Variants in XPO6 observed in about 807,000 individuals in gnomAD.
The protein encoded by XPO6 is exportin 6, also known as exportin-6.
XPO6 carries 3 observed loss-of-function variants against 130.0 expected under a neutral mutation model. The ratio of observed to expected loss-of-function variants is 0.02; its 90% confidence interval spans 0.01 to 0.06. The LOEUF is 0.06. XPO6 is among the 10% of genes least tolerant of loss of function. The pLI, the probability that XPO6 is intolerant of heterozygous loss-of-function variation, is 1.00. For synonymous variants in XPO6, 524 were observed against 548.9 expected (o/e 0.95, Z 0.63); for missense variants, 970 against 1,393.0 (o/e 0.70, Z 4.83).
chr16:28,199,360 C>A (rs1482034805), intron 1 of XPO6, among the ~76,000 whole-genome samples: 1 of 152,098 alleles, frequency 6.6e-6, no homozygotes, highest in Non-Finnish European at 1.5e-5. Flanking sequence ...CTACAACCTC[C>A]ACCTCCCGGG....
At chr16:28,153,566 T>A in intron 7 of XPO6, 1 of 985,360 alleles carries the variant, frequency 1.0e-6, no homozygotes, top group Non-Finnish European at 1.2e-6. Context: ...AGAGTATGGG[T>A]CACAGCTGCA....
chr16:28,178,337 G>A (rs1327433122), intron 2 of XPO6, among the ~76,000 whole-genome samples: 2 of 152,102 alleles, frequency 1.3e-5, no homozygotes, highest in Non-Finnish European at 2.9e-5. Flanking sequence ...GAGAAGCTGA[G>A]GCAGGAGGAC....
chr16:28,101,565 C>T lies in XPO6; in HGVS notation c.3169G>A (p.Asp1057Asn), dbSNP rs756433639. Residue 1057 changes from aspartate to asparagine, a missense_variant, in exon 23 of 24, where the codon GAC becomes AAC. Physicochemically the swap from Asp to Asn is conservative, Grantham distance 23 (BLOSUM62 1). Around this residue, in one of 4 missense-constraint regions of XPO6, gnomAD observed 936 missense variants for 1,306.8 expected, o/e 0.72. Coordinates refer to ENST00000304658, the MANE Select transcript of XPO6 (RefSeq NM_015171.4). The surrounding 1 kb of genome is among the most constrained non-coding windows in gnomAD (Gnocchi z 5.4). ...GIAIYNMASVDFDGFFAAFLP... is the reference protein window; with the variant it reads ...GIAIYNMASVNFDGFFAAFLP... ...AAGGCGGCAAAGAAGCCATCAAAGTCGACTGAGGCCATGTTGTAGATGGCG... is the reference window on the plus strand; with the variant it reads ...AAGGCGGCAAAGAAGCCATCAAAGTTGACTGAGGCCATGTTGTAGATGGCG... 5.0e-6 allele frequency: 8 copies of T among 1,614,230 alleles called. No individual in the cohort carries two copies. The highest frequency in any genetic ancestry group is 1.7e-5 in the Admixed American group (1 of 60,030).
Position 28,211,499 on chromosome 16 carries a change from A to T in XPO6, c.-131T>A. On this transcript the variant is annotated 5_prime_UTR_variant, in exon 1 of 24. Coordinates refer to ENST00000304658, the MANE Select transcript of XPO6 (RefSeq NM_015171.4). The stretch of plus-strand genomic sequence containing the variant: ...CCCATGCAAAGACAACCCCTTCCCC[A>T]CCGGGCCCCGAGGGGACCCTCTAAA... 2 of 1,104,958 alleles carry T rather than the reference A, an allele frequency of 1.8e-6. No individual in the cohort carries two copies. The highest frequency in any genetic ancestry group is 2.3e-6 in the Non-Finnish European group (2 of 853,808). 68.4% of individuals were successfully genotyped at this position (1,104,958 alleles called of 1,614,324 possible). A position where few individuals can be genotyped will look rare whatever the true frequency, so the allele number is the denominator to read the frequency against.
chr16:28,183,583 TAAC>T (rs1053385526), intron 1 of XPO6, among the ~76,000 whole-genome samples: 3 of 152,182 alleles, frequency 2.0e-5, no homozygotes, highest in African/African-American at 7.2e-5. Flanking sequence ...TCTATATCTG[TAAC>T]AACAATACCT....
At chr16:28,160,232 T>C (rs2043253841) in intron 6 of XPO6, among the ~76,000 whole-genome samples, 1 of 126,026 alleles carries the variant, frequency 7.9e-6, no homozygotes, top group East Asian at 2.4e-4. Context: ...TGCTGGGTAC[T>C]GTGGCTCACA....
chr16:28,117,066 T>C, intron 15 of XPO6: 1 of 425,320 alleles, frequency 2.4e-6, no homozygotes, highest in Non-Finnish European at 4.2e-6. Flanking sequence ...AGTCTGGAAA[T>C]CTGAATGATA....
intron 6 of XPO6, among the ~76,000 whole-genome samples, chr16:28,161,477 T>C (rs2043277324): frequency 6.6e-6 from 1 of 152,060 alleles, no homozygotes; most frequent in South Asian, 2.1e-4. Context: ...ACTTATCAAG[T>C]TGATTTATGA....
chr16:28,121,596 T>C lies in XPO6; in HGVS notation c.1859+74A>G, dbSNP rs548140818. The C allele has an allele frequency of 1.1e-5, 13 of 1,142,726 alleles. No homozygotes were observed. The Admixed American group carries it at 1.5e-4, about 13-fold the overall frequency. The allele number at this position is 1,142,726 out of a possible 1,614,324, so 70.8% of individuals were successfully genotyped here. A position where few individuals can be genotyped will look rare whatever the true frequency, so the allele number is the denominator to read the frequency against. On this transcript the variant is annotated intron_variant, in intron 14 of 23. Coordinates refer to ENST00000304658, the MANE Select transcript of XPO6 (RefSeq NM_015171.4). ...CATGGCAGCCACTACTGTTCCTTTT[T>C]CTCAATCAAATTATTTGGAGATTGG...
chr16:28,117,159 T>C, intron 15 of XPO6, 159 bp downstream of exon 15: 1 of 973,752 alleles, frequency 1.0e-6, no homozygotes, highest in Non-Finnish European at 1.5e-6. Context: ...GCATGTAGGC[T>C]ACAACTAAAA....
chr16:28,167,429 A>G (rs1370127895), intron 5 of XPO6, among the ~76,000 whole-genome samples: 1 of 152,050 alleles, frequency 6.6e-6, no homozygotes, highest in East Asian at 1.9e-4. Flanking sequence ...CGGCCTTGCT[A>G]TGCTCAACTG....
At chr16:28,199,973 T>C (rs1015786364) in intron 1 of XPO6, among the ~76,000 whole-genome samples, 2 of 151,992 alleles carry the variant, frequency 1.3e-5, no homozygotes, top group African/African-American at 4.8e-5. Context: ...CTGCCCAACA[T>C]GGTGAAAACC....
chr16:28,207,419 T>C (rs1171837868), intron 1 of XPO6, among the ~76,000 whole-genome samples: 1 of 152,192 alleles, frequency 6.6e-6, no homozygotes, highest in South Asian at 2.1e-4. Context: ...AGCAAAGTAG[T>C]GGGAACCTCT....
At chr16:28,154,161 T>C (rs1221199950) in intron 7 of XPO6, 1 of 984,308 alleles carries the variant, frequency 1.0e-6, no homozygotes, top group Non-Finnish European at 1.2e-6. Flanking sequence ...CCTCACTCAC[T>C]TATGTACCGC....
At position 28,193,653 on chromosome 16, in the gene XPO6, T is replaced by C. The variant is rs542944086; in HGVS notation, c.4-12622A>G. On this transcript the variant is annotated intron_variant, in intron 1 of 23. Transcript: ENST00000304658. ...GCAGATGGCGCCTTTCTGGAGGGAG[T>C]CGGTGCACAGGTGAAATGAAACAGG... Among the ~76,000 whole-genome samples the C allele has an allele frequency of 1.3e-4, 19 of 151,764 alleles. No homozygotes were observed. The East Asian group carries it at 3.7e-3, about 29-fold the overall frequency.
chr16:28,148,900 G>A (rs370162023), intron 8 of XPO6, among the ~76,000 whole-genome samples: 22 of 151,918 alleles, frequency 1.4e-4, no homozygotes, highest in African/African-American at 4.6e-4. Context: ...AAAATTAGCC[G>A]GGTGGGATGG....
At chr16:28,151,115 C>T (rs984908918) in intron 8 of XPO6, among the ~76,000 whole-genome samples, 2 of 145,680 alleles carry the variant, frequency 1.4e-5, no homozygotes, top group Non-Finnish European at 1.5e-5. Context: ...AAGTCATATA[C>T]ACAACCCTCC....
At chr16:28,156,574 C>T (rs2043187285) in intron 6 of XPO6, 47 bp from the exon 7 acceptor site, 1 of 1,418,506 alleles carries the variant, frequency 7.0e-7, no homozygotes, top group African/African-American at 1.4e-5. Flanking sequence ...AAATCTCTTA[C>T]AAATGACTTT....
intron 1 of XPO6, among the ~76,000 whole-genome samples, chr16:28,194,663 T>G (rs1309838613): frequency 6.6e-6 from 1 of 152,126 alleles, no homozygotes; most frequent in African/African-American, 2.4e-5. Context: ...AGCTTTGTGA[T>G]TCTGGTTCTA....
Sources: gnomAD v4.1 joint callset for allele counts (sites outside exome capture counted in the v4.1 genomes callset) on GRCh38, gnomAD v4.1.1 for gene constraint, gnomAD v4.1.1 regional missense constraint, Gnocchi (gnomAD v3.1) non-coding constraint, MANE v1.5 for transcripts, NCBI Gene and HGNC (gene_info 2026-07-23, HGNC 2026-07-21) for gene names.